Variants in COL5A2 observed in about 807,000 individuals in gnomAD.
The protein encoded by COL5A2 is collagen alpha-2(V) chain.
A neutral mutation model predicts 208.2 loss-of-function variants in COL5A2; 23 were observed. That is an observed-to-expected ratio of 0.11 (90% confidence interval 0.08 to 0.16). COL5A2 has a LOEUF of 0.16. COL5A2 is among the 10% of genes least tolerant of loss of function. The pLI is 1.00. For missense variants in COL5A2, 1,590 were observed against 1,956.4 expected (o/e 0.81, Z 3.53); for synonymous variants, 625 against 628.5 (o/e 0.99, Z 0.08).
At chr2:189,431,681 G>A in the COL5A2 span, among the ~76,000 whole-genome samples, 5 of 152,160 alleles carry the variant, frequency 3.3e-5, no homozygotes, top group African/African-American at 1.2e-4. Context: ...AAGCCTCCAA[G>A]AAATATGGGA....
Position 189,124,789 on chromosome 2 carries a change from C to A in COL5A2, c.98-14340G>T, listed in dbSNP as rs115574669. ...AGATTTGAAAATGGAATCTTCCTAC[C>A]AGGACCAACTTATAACTTCAATTTT... On this transcript the variant is annotated intron_variant, in intron 1 of 53. Coordinates refer to ENST00000374866, the MANE Select transcript of COL5A2 (RefSeq NM_000393.5). 6.3e-3 allele frequency among the ~76,000 whole-genome samples: 955 copies of A among 150,402 alleles called. 14 individuals are homozygous for A. Among genetic ancestry groups the A allele is most frequent in the African/African-American group, 0.021 (845 of 40,926 alleles).
the COL5A2 span, among the ~76,000 whole-genome samples, chr2:189,275,660 C>G: frequency 1.3e-5 from 2 of 151,880 alleles, no homozygotes; most frequent in Non-Finnish European, 2.9e-5. Context: ...ACCATATTGG[C>G]CAGGCTGGTC....
chr2:189,070,262 G>C (rs1686242834), intron 18 of COL5A2, among the ~76,000 whole-genome samples: 1 of 152,094 alleles, frequency 6.6e-6, no homozygotes, highest in Non-Finnish European at 1.5e-5. Flanking sequence ...TCCTAAAGAG[G>C]CCTGGAAAAC....
In COL5A2 at chr2:189,049,437, T is replaced by C; in HGVS notation, c.3057A>G (p.Val1019=). The C allele has an allele frequency of 6.2e-7, 1 of 1,613,276 alleles. No homozygotes were observed. Among genetic ancestry groups the C allele is most frequent in the Non-Finnish European group, 8.5e-7 (1 of 1,179,604 alleles). The change falls in exon 44 of 54, where the codon GTA becomes GTG. Residue 1019 remains valine, a synonymous_variant. Coordinates refer to ENST00000374866, the MANE Select transcript of COL5A2 (RefSeq NM_000393.5). ...TATCTCCTGTTGCACCAGTTGGTCC[T>C]ACTTTTCCTGGTGTTCCCTGAAATA... ...LPGPAGTPGK[V]GPTGATGDKG...
chr2:189,038,127 T>C (rs1640252734), intron 51 of COL5A2, among the ~76,000 whole-genome samples: 1 of 150,024 alleles, frequency 6.7e-6, no homozygotes, highest in Non-Finnish European at 1.5e-5. Context: ...ACAGATCCTG[T>C]CACCCAGGTA....
rs186222723 is a variant in COL5A2, at chr2:189,195,091, C to T, written c.-42+30057G>A. ...AAACCCCATTGTCTCAGCCCCAAAA[C>T]TCCTTAAGCTGATAGGTAACTTCAA... is the stretch of plus-strand genomic sequence containing the variant. On this transcript the variant is annotated intron_variant, in intron 1 of 10. Coordinates refer to the COL5A2 transcript ENST00000649966. Among the ~76,000 whole-genome samples the T allele has an allele frequency of 1.2e-4, 19 of 152,280 alleles. No homozygotes were observed. The East Asian group carries it at 3.7e-3, about 29-fold the overall frequency.
rs1685353966 is a variant in COL5A2, at chr2:189,032,440, C to T, written c.*1630G>A. 6.6e-6 allele frequency: 1 copy of T among 152,036 alleles called. No homozygotes were observed. The highest frequency in any genetic ancestry group is 2.4e-5 in the African/African-American group (1 of 41,408). The allele number at this position is 152,036 out of a possible 1,614,324, so 9.4% of individuals were successfully genotyped here. ...AACAAATGGCAAACAAAGTATACCA[C>T]CACATCTCCTTTTCACTATTGGAAA... On this transcript the variant is annotated 3_prime_UTR_variant, in exon 54 of 54. Coordinates refer to ENST00000374866, the MANE Select transcript of COL5A2 (RefSeq NM_000393.5).
At chr2:189,043,592 C>T (rs1364308038) in intron 47 of COL5A2, among the ~76,000 whole-genome samples, 3 of 152,066 alleles carry the variant, frequency 2.0e-5, no homozygotes, top group Non-Finnish European at 2.9e-5. Flanking sequence ...TTATGCTTCA[C>T]ATATTTAGTT....
chr2:189,440,078 T>C, the COL5A2 span, among the ~76,000 whole-genome samples: 14 of 152,206 alleles, frequency 9.2e-5, no homozygotes, highest in African/African-American at 3.4e-4. Flanking sequence ...AATTATTAAA[T>C]ATCTCCCTTT....
chr2:189,337,047 C>A, the COL5A2 span, among the ~76,000 whole-genome samples: 1 of 152,096 alleles, frequency 6.6e-6, no homozygotes, highest in African/African-American at 2.4e-5. Flanking sequence ...TAAGATATGC[C>A]TTTGTGTACA....
intron 1 of COL5A2, 50 bp from the exon 2 acceptor site, chr2:189,110,499 G>A: frequency 6.4e-7 from 1 of 1,555,338 alleles, no homozygotes. Flanking sequence ...TTATAGAATT[G>A]AGAAAATAAA....
chr2:189,223,892 C>T (rs1689379634), intron 1 of COL5A2, among the ~76,000 whole-genome samples: 1 of 152,098 alleles, frequency 6.6e-6, no homozygotes, highest in Non-Finnish European at 1.5e-5. Flanking sequence ...TCACTCTAAG[C>T]AAATGTATTG....
chr2:189,260,151 CA>C, the COL5A2 span, among the ~76,000 whole-genome samples: 1 of 151,962 alleles, frequency 6.6e-6, no homozygotes, highest in Non-Finnish European at 1.5e-5. Context: ...ATTCCTCTTT[CA>C]AAAAAACTGC....
chr2:189,072,762 C>T (rs1352514756), intron 17 of COL5A2, among the ~76,000 whole-genome samples: 2 of 84,534 alleles, frequency 2.4e-5, no homozygotes, highest in Admixed American at 1.3e-4. Context: ...CAGACTCCAT[C>T]TCCAAAAAAA....
chr2:189,244,793 A>C, the COL5A2 span, among the ~76,000 whole-genome samples: 1 of 152,162 alleles, frequency 6.6e-6, no homozygotes, highest in South Asian at 2.1e-4. Context: ...CTCTACTGGT[A>C]CCAATTTGCT....
At chr2:189,093,237 C>T (rs1686825882) in intron 6 of COL5A2, among the ~76,000 whole-genome samples, 1 of 152,156 alleles carries the variant, frequency 6.6e-6, no homozygotes, top group Non-Finnish European at 1.5e-5. Context: ...TCCCACAAGG[C>T]TAGTTAAGTA....
chr2:189,110,493 A>G, intron 1 of COL5A2, 44 bp from the exon 2 acceptor site: 1 of 1,566,106 alleles, frequency 6.4e-7, no homozygotes. Flanking sequence ...CTGAAATTAT[A>G]GAATTGAGAA....
At chr2:189,375,642 G>A in the COL5A2 span, among the ~76,000 whole-genome samples, 8 of 152,232 alleles carry the variant, frequency 5.3e-5, no homozygotes, top group African/African-American at 1.7e-4. Context: ...TAGAGTACAC[G>A]TATAGGTCTG....
At chr2:189,244,860 A>G in the COL5A2 span, among the ~76,000 whole-genome samples, 1 of 152,184 alleles carries the variant, frequency 6.6e-6, no homozygotes, top group Non-Finnish European at 1.5e-5. Flanking sequence ...GGTTACTTAT[A>G]CAAGTTATAA....
Sources: gnomAD v4.1 joint callset for allele counts (sites outside exome capture counted in the v4.1 genomes callset) on GRCh38, gnomAD v4.1.1 for gene constraint, MANE v1.5 for transcripts, NCBI Gene and HGNC (gene_info 2026-07-23, HGNC 2026-07-21) for gene names.